SHISA9: variants seen among roughly 807,000 people sequenced by gnomAD.
The protein encoded by SHISA9 is shisa family member 9.
In SHISA9, 13 loss-of-function variants were observed where a neutral mutation model predicts 38.0. The observed-to-expected ratio is 0.34, with a 90% CI of 0.22 to 0.54. The LOEUF (loss-of-function observed/expected upper bound fraction) is 0.54, where lower values mean the gene tolerates loss of function less well. Ranked by LOEUF, SHISA9 falls within the 20% of genes least tolerant of loss-of-function variation. The probability of loss-of-function intolerance (pLI) is 0.91; values close to 1 mark genes in which losing one functional copy is unlikely to be tolerated. For missense variants in SHISA9, 538 were observed against 575.8 expected (o/e 0.93, Z 0.67); for synonymous variants, 275 against 242.0 (o/e 1.14, Z -1.27).
At chr16:13,200,622 T>C in intron 2 of SHISA9, among the ~76,000 whole-genome samples, 1 of 80,404 alleles carries the variant, frequency 1.2e-5, no homozygotes, top group African/African-American at 5.6e-5. Flanking sequence ...CAAGGTGTGG[T>C]GAAAGCCATA....
chr16:13,005,244 A>G (rs1488436926), intron 2 of SHISA9, among the ~76,000 whole-genome samples: 3 of 152,170 alleles, frequency 2.0e-5, no homozygotes, highest in Admixed American at 2.0e-4. Context: ...AGTGTTGGAT[A>G]TATGAGTATG....
the SHISA9 span, among the ~76,000 whole-genome samples, chr16:13,275,055 T>C: frequency 9.2e-5 from 14 of 152,222 alleles, no homozygotes; most frequent in Admixed American, 5.2e-4. Flanking sequence ...CCTCCTTCTA[T>C]TCAGAAGACA....
intron 3 of SHISA9, among the ~76,000 whole-genome samples, 163 bp from the exon 4 acceptor site, chr16:13,213,090 A>G (rs2051135466): frequency 6.6e-6 from 1 of 152,040 alleles, no homozygotes; most frequent in Admixed American, 6.5e-5. Flanking sequence ...ACATAGCTGC[A>G]TTTTCACACG....
chr16:13,031,115 G>C (rs2072986169), intron 2 of SHISA9, among the ~76,000 whole-genome samples: 1 of 152,112 alleles, frequency 6.6e-6, no homozygotes, highest in African/African-American at 2.4e-5. Flanking sequence ...GGTCCCGCGG[G>C]GCACTGTGAT....
chr16:13,045,114 A>G (rs117382375), intron 2 of SHISA9, among the ~76,000 whole-genome samples: 603 of 152,282 alleles, frequency 4.0e-3, no homozygotes, highest in Non-Finnish European at 6.2e-3. Flanking sequence ...GAGATTCAAC[A>G]TGCTTGTTAT....
chr16:13,494,578 A>T, the SHISA9 span, among the ~76,000 whole-genome samples: 1 of 152,258 alleles, frequency 6.6e-6, no homozygotes, highest in South Asian at 2.1e-4. Context: ...GAAAGAGAAG[A>T]AAATTCTACA....
At chr16:13,384,133 G>A in the SHISA9 span, among the ~76,000 whole-genome samples, 9 of 152,108 alleles carry the variant, frequency 5.9e-5, no homozygotes, top group South Asian at 8.3e-4. Flanking sequence ...TTTGGCAAGA[G>A]GCATTGAAAT....
At chr16:13,363,373 G>A in the SHISA9 span, among the ~76,000 whole-genome samples, 30 of 152,302 alleles carry the variant, frequency 2.0e-4, no homozygotes, top group African/African-American at 5.8e-4. Flanking sequence ...CACAATGACC[G>A]GCACCTAAGG....
chr16:13,248,185 C>T, the SHISA9 span, among the ~76,000 whole-genome samples: 2 of 152,106 alleles, frequency 1.3e-5, no homozygotes, highest in Non-Finnish European at 2.9e-5. Flanking sequence ...GATTCTTTTT[C>T]ACGTGGAGTC....
At chr16:13,213,369 T>C in intron 4 of SHISA9, 69 bp downstream of exon 4, 1 of 1,365,806 alleles carries the variant, frequency 7.3e-7, no homozygotes. Flanking sequence ...AATGAAGGGA[T>C]AGAGAGTCCT....
At chr16:13,438,319 T>C in the SHISA9 span, among the ~76,000 whole-genome samples, 3 of 152,306 alleles carry the variant, frequency 2.0e-5, no homozygotes, top group Middle Eastern at 0.01. Context: ...ATTGGGCACA[T>C]AGGAGGTGCT....
intron 2 of SHISA9, among the ~76,000 whole-genome samples, chr16:13,145,789 T>C (rs1324330909): frequency 1.3e-5 from 2 of 152,222 alleles, no homozygotes; most frequent in East Asian, 1.9e-4. Flanking sequence ...ACTGAGCACC[T>C]ACTGTGTGCC....
At chr16:13,354,219 C>T in the SHISA9 span, among the ~76,000 whole-genome samples, 3 of 132,048 alleles carry the variant, frequency 2.3e-5, no homozygotes, top group East Asian at 2.3e-4. Flanking sequence ...TAGATTTCCA[C>T]GATGGAAAGG....
chr16:13,038,097 C>G (rs940375669), intron 2 of SHISA9, among the ~76,000 whole-genome samples: 1 of 152,192 alleles, frequency 6.6e-6, no homozygotes, highest in African/African-American at 2.4e-5. Flanking sequence ...TCAAGCGATT[C>G]TTGTGCCTCA....
At chr16:12,940,150 C>T (rs1171178532) in intron 2 of SHISA9, among the ~76,000 whole-genome samples, 2 of 152,164 alleles carry the variant, frequency 1.3e-5, no homozygotes, top group Non-Finnish European at 2.9e-5. Context: ...GTTCTTCTGC[C>T]TGCTTGTGGT....
At chr16:12,924,512 T>A (rs2071369657) in intron 2 of SHISA9, among the ~76,000 whole-genome samples, 1 of 152,166 alleles carries the variant, frequency 6.6e-6, no homozygotes, top group African/African-American at 2.4e-5. Context: ...TTCCTGAAAC[T>A]TAGTTCTTTT....
intron 2 of SHISA9, among the ~76,000 whole-genome samples, chr16:13,199,938 C>T (rs2050988290): frequency 6.6e-6 from 1 of 152,176 alleles, no homozygotes; most frequent in South Asian, 2.1e-4. Context: ...TCTCTGGCCA[C>T]TGGAGCTAGC....
At chr16:13,187,189 A>G (rs67685787) in intron 2 of SHISA9, among the ~76,000 whole-genome samples, 22,694 of 152,084 alleles carry the variant, frequency 0.15, 1,974 homozygotes, top group Middle Eastern at 0.23. Context: ...CAACTTATGC[A>G]TTGCTGGGGC....
At chr16:13,484,725 A>G in the SHISA9 span, among the ~76,000 whole-genome samples, 1 of 152,210 alleles carries the variant, frequency 6.6e-6, no homozygotes, top group Admixed American at 6.5e-5. Context: ...TCATGGTGGA[A>G]GGTGAAGAGG....
Sources: allele counts gnomAD v4.1 joint callset (sites outside exome capture counted in the v4.1 genomes callset), GRCh38; gene constraint gnomAD v4.1.1; transcripts MANE v1.5; gene names NCBI Gene and HGNC (gene_info 2026-07-23, HGNC 2026-07-21).